Variants in ZNF76 observed in about 807,000 individuals in gnomAD.
ZNF76 encodes the protein zinc finger protein 76.
Under a neutral mutation model 66.9 loss-of-function variants are expected in ZNF76, and 66 were observed. The ratio of observed to expected loss-of-function variants is 0.99; its 90% CI spans 0.81 to 1.21. ZNF76 has a LOEUF of 1.21. ZNF76 is among the 50% of genes most tolerant of loss of function. The pLI is 0.00. For missense variants in ZNF76, 729 were observed against 760.3 expected (o/e 0.96, Z 0.48); for synonymous variants, 275 against 296.1 (o/e 0.93, Z 0.73).
At chr6:35,288,190 C>G (rs1412633732) in intron 5 of ZNF76, 1 of 509,724 alleles carries the variant, frequency 2.0e-6, no homozygotes, top group Non-Finnish European at 3.8e-6. Context: ...TGTAGTAATC[C>G]TCTGCACTAG....
intron 12 of ZNF76, 73 bp downstream of exon 12, chr6:35,293,988 C>G: frequency 6.5e-7 from 1 of 1,539,760 alleles, no homozygotes; most frequent in East Asian, 2.3e-5. Flanking sequence ...TAAAGTGCAG[C>G]CTAAACTAGT....
upstream of ZNF76, chr6:35,259,647 T>TTTTTTTTTTTTTTTTTTTTTTTTTGAG (rs1334356694): frequency 6.6e-6 from 1 of 152,264 alleles, no homozygotes; most frequent in African/African-American, 2.4e-5. Context: ...CGGTATTTTC[T>TTTTTTTTTTTTTTTTTTTTTTTTTGAG]ATACGGGTTC....
At chr6:35,284,359 G>A (rs1789232723) in intron 2 of ZNF76, among the ~76,000 whole-genome samples, 1 of 151,924 alleles carries the variant, frequency 6.6e-6, no homozygotes, top group Non-Finnish European at 1.5e-5. Flanking sequence ...CTCCCAAAGT[G>A]CTGGGATTAT....
intron 1 of ZNF76, among the ~76,000 whole-genome samples, chr6:35,277,288 G>C (rs191885731): frequency 1.3e-5 from 2 of 152,282 alleles, no homozygotes; most frequent in East Asian, 3.9e-4. Flanking sequence ...TCTGGGCAAG[G>C]ATGCTAATAG....
At chr6:35,281,479 C>T (rs1446749589) in intron 2 of ZNF76, among the ~76,000 whole-genome samples, 1 of 152,156 alleles carries the variant, frequency 6.6e-6, no homozygotes, top group Non-Finnish European at 1.5e-5. Context: ...ATGTAATAAG[C>T]AGTTGATAAA....
At chr6:35,286,244 G>A (rs1789546575) in intron 3 of ZNF76, 36 bp downstream of exon 3, 3 of 1,613,372 alleles carry the variant, frequency 1.9e-6, no homozygotes, top group Non-Finnish European at 2.5e-6. Context: ...CTTGTCGAGG[G>A]AAGCCTGACA....
At chr6:35,259,920 G>C (rs1371886875) in intron 1 of ZNF76, 79 bp downstream of exon 1, 3 of 152,166 alleles carry the variant, frequency 2.0e-5, no homozygotes, top group African/African-American at 7.2e-5. Flanking sequence ...GGAAGGTCCC[G>C]AGCCCGGCGT....
rs553947919 is a variant in ZNF76, at chr6:35,260,749, G to A, written c.-97+908G>A. Among the ~76,000 whole-genome samples, 4 of 152,206 alleles carry A rather than the reference G, an allele frequency of 2.6e-5. No homozygotes were observed. In the South Asian group the frequency reaches 8.3e-4, roughly 32 times the overall value. On this transcript the variant is annotated intron_variant, in intron 1 of 13. Transcript: ENST00000373953. The stretch of plus-strand genomic sequence containing the variant: ...TCTCATCATGACTGTGATGAGGTTG[G>A]GTTAGATGATCTTTGAGTTTCCTTC...
intron 2 of ZNF76, 59 bp from the exon 3 acceptor site, chr6:35,286,069 G>T: frequency 6.5e-7 from 1 of 1,529,442 alleles, no homozygotes; most frequent in Non-Finnish European, 9.1e-7. Flanking sequence ...AAAACAGGCA[G>T]GCGTTTCTTA....
chr6:35,265,637 G>C (rs371829835), intron 1 of ZNF76, among the ~76,000 whole-genome samples: 1 of 152,174 alleles, frequency 6.6e-6, no homozygotes, highest in Admixed American at 6.5e-5. Flanking sequence ...AGGAAGTTAG[G>C]GGGTAAGTCA....
Position 35,287,548 on chromosome 6 carries a change from C to A in ZNF76, c.233-98C>A. On this transcript the variant is annotated intron_variant, in intron 4 of 13. Coordinates refer to ENST00000373953, the MANE Select transcript of ZNF76 (RefSeq NM_003427.5). This position sits in a 1 kb window ranked among gnomAD's most constrained non-coding sequence, Gnocchi z 4.0. The stretch of plus-strand genomic sequence containing the variant: ...CCATGAGAAATTGGATGTTGAAACC[C>A]TCCTTGGTATATGTATCTCTCATTA... 8.5e-7 allele frequency: 1 copy of A among 1,172,444 alleles called. No individual in the cohort carries two copies. The highest frequency in any genetic ancestry group is 1.2e-6 in the Non-Finnish European group (1 of 833,606). 72.6% of individuals were successfully genotyped at this position (1,172,444 alleles called of 1,614,324 possible).
Position 35,281,106 on chromosome 6 carries a change from G to A in ZNF76, c.-46G>A. 6.3e-7 allele frequency: 1 copy of A among 1,593,674 alleles called. No homozygotes were observed. The highest frequency in any genetic ancestry group is 8.6e-7 in the Non-Finnish European group (1 of 1,161,566). ...GACCTCAGCTGTGGCTCTTGGTGCT[G>A]GCCAGAAGCCAACTTCATGTCTGAG... On this transcript the variant is annotated 5_prime_UTR_variant, in exon 2 of 14. Coordinates refer to ENST00000373953, the MANE Select transcript of ZNF76 (RefSeq NM_003427.5).
chr6:35,260,069 C>T (rs1368665727), intron 1 of ZNF76, among the ~76,000 whole-genome samples: 1 of 149,680 alleles, frequency 6.7e-6, no homozygotes, highest in Non-Finnish European at 1.5e-5. Flanking sequence ...CCCGTGACGG[C>T]GCCCGCCTCC....
Position 35,295,954 on chromosome 6 carries a change from A to G in ZNF76, c.*706A>G, listed in dbSNP as rs1373210488. On this transcript the variant is annotated 3_prime_UTR_variant, in exon 14 of 14. Transcript: ENST00000373953. ...TCTGGGTGGTGGTGGCACATGGATG[A>G]ATGAGTATTTAATAAAAGTTCCAAA... is the stretch of plus-strand genomic sequence containing the variant. The G allele has an allele frequency of 6.6e-6, 1 of 152,410 alleles. No individual in the cohort carries two copies. The highest frequency in any genetic ancestry group is 1.9e-4 in the East Asian group (1 of 5,188). The allele number at this position is 152,410 out of a possible 1,614,324, so 9.4% of individuals were successfully genotyped here.
chr6:35,291,880 C>T (rs1486792541), intron 9 of ZNF76, 143 bp downstream of exon 9: 2 of 891,848 alleles, frequency 2.2e-6, no homozygotes, highest in Non-Finnish European at 3.4e-6. Flanking sequence ...GGTAGGGTAT[C>T]CCCAGAACAA....
At chr6:35,291,968 C>A in intron 9 of ZNF76, 1 of 590,462 alleles carries the variant, frequency 1.7e-6, no homozygotes, top group Non-Finnish European at 3.0e-6. Flanking sequence ...TCTGGGGTCC[C>A]TCAGCTCCCT....
At chr6:35,264,283 T>C (rs1785673594) in intron 1 of ZNF76, among the ~76,000 whole-genome samples, 1 of 152,250 alleles carries the variant, frequency 6.6e-6, no homozygotes, top group South Asian at 2.1e-4. Context: ...CTTCCTTTTT[T>C]AGTCATTGCT....
upstream of ZNF76, chr6:35,259,628 G>A (rs1377779858): frequency 2.0e-5 from 3 of 151,770 alleles, no homozygotes; most frequent in East Asian, 5.8e-4. Context: ...GGGCGGGGTG[G>A]ACCGTGCCCG....
At chr6:35,279,878 C>T (rs1788501318) in intron 1 of ZNF76, 2 of 152,158 alleles carry the variant, frequency 1.3e-5, no homozygotes, top group African/African-American at 2.4e-5. Context: ...ATCACCCAGG[C>T]TGGAATTCAG....
Sources: gnomAD v4.1 joint callset for allele counts (sites outside exome capture counted in the v4.1 genomes callset) on GRCh38, gnomAD v4.1.1 for gene constraint, Gnocchi (gnomAD v3.1) non-coding constraint, MANE v1.5 for transcripts, NCBI Gene and HGNC (gene_info 2026-07-23, HGNC 2026-07-21) for gene names.